Variants in NLGN4Y observed in about 807,000 individuals in gnomAD.
NLGN4Y encodes neuroligin-4, Y-linked.
NLGN4Y carries 4 observed loss-of-function variants against 8.4 expected under a neutral mutation model. The ratio of observed to expected loss-of-function variants is 0.48; its 90% CI spans 0.23 to 1.09. The LOEUF is 1.09. Ranked by LOEUF, NLGN4Y falls within the 50% of genes least tolerant of loss-of-function variation. The pLI is 0.19. For synonymous variants in NLGN4Y, 35 were observed against 75.6 expected, an observed-to-expected ratio of 0.46 and a Z score of 2.78; for missense variants, 90 against 192.3, an observed-to-expected ratio of 0.47 and a Z score of 3.15.
At position 14,795,617 on chromosome Y, in the gene NLGN4Y, G is replaced by C. The variant is rs757238210; in HGVS notation, c.686-28571G>C. Among the ~76,000 whole-genome samples the C allele has an allele frequency of 2.4e-4, 8 of 33,323 alleles. No individual in the cohort carries two copies. In the South Asian group the frequency reaches 4.8e-3, roughly 20 times the overall value. 89.4% of individuals were successfully genotyped at this position (33,323 alleles called of 37,273 possible). ...AAAATTCCTTAATTAATAGGTGGTA[G>C]ACTTGCTATTCAGTCCACCCTGGAC... On this transcript the variant is annotated intron_variant, in intron 4 of 6. Transcript: ENST00000684976.
At chrY:14,833,023 C>T (rs752274374) in intron 6 of NLGN4Y, among the ~76,000 whole-genome samples, 2 of 32,654 alleles carry the variant, frequency 6.1e-5, no homozygotes, top group African/African-American at 1.2e-4. Context: ...GAGATGGGCT[C>T]ACCTAGGGGG....
At chrY:14,744,294 C>T (rs2081017964) in intron 4 of NLGN4Y, among the ~76,000 whole-genome samples, 1 of 33,288 alleles carries the variant, frequency 3.0e-5, no homozygotes, top group African/African-American at 1.2e-4. Flanking sequence ...TCAGTGAACT[C>T]TGAGGGTCTC....
rs2081014019 is a variant in NLGN4Y, at chrY:14,743,493, A to T, written c.685+20224A>T. The stretch of plus-strand genomic sequence containing the variant: ...GGTCACAGAGCAAGATACTGTCTTT[A>T]AAAAAAAAAAAAAAAAGTGAAAAGG... On this transcript the variant is annotated intron_variant, in intron 4 of 6. Transcript: ENST00000684976. 1.7e-4 allele frequency among the ~76,000 whole-genome samples: 4 copies of T among 24,223 alleles called. No homozygotes were observed. In the East Asian group the frequency reaches 3.2e-3, roughly 19 times the overall value. The allele number at this position is 24,223 out of a possible 37,273, so 65.0% of individuals were successfully genotyped here. A position where few individuals can be genotyped will look rare whatever the true frequency, so the allele number is the denominator to read the frequency against.
At chrY:14,590,800 G>A in intron 1 of NLGN4Y, among the ~76,000 whole-genome samples, 2 of 33,140 alleles carry the variant, frequency 6.0e-5, no homozygotes, top group Admixed American at 5.5e-4. Context: ...ATTAGTTAGT[G>A]TAAAAACAAC....
intron 4 of NLGN4Y, among the ~76,000 whole-genome samples, chrY:14,752,806 C>T: frequency 3.0e-5 from 1 of 33,568 alleles, no homozygotes. Flanking sequence ...TTTTGCTATT[C>T]CTTTTTAATT....
chrY:14,704,426 T>G, intron 2 of NLGN4Y, among the ~76,000 whole-genome samples: 1 of 33,295 alleles, frequency 3.0e-5, no homozygotes, highest in Non-Finnish European at 7.4e-5. Context: ...ATCATATGGT[T>G]TTTATTGTTG....
chrY:14,785,798 A>G, intron 4 of NLGN4Y, among the ~76,000 whole-genome samples: 1 of 31,702 alleles, frequency 3.2e-5, no homozygotes, highest in Non-Finnish European at 7.7e-5. Context: ...TCAAAAAATA[A>G]CAGATGCTGG....
chrY:14,796,483 A>C, intron 4 of NLGN4Y, among the ~76,000 whole-genome samples: 1 of 29,064 alleles, frequency 3.4e-5, no homozygotes, highest in African/African-American at 1.4e-4. Flanking sequence ...AGTCCCAGGT[A>C]CGCGGGAGGC....
intron 1 of NLGN4Y, among the ~76,000 whole-genome samples, chrY:14,573,175 C>T (rs1019130172): frequency 3.0e-5 from 1 of 33,493 alleles, no homozygotes; most frequent in Non-Finnish European, 7.4e-5. Flanking sequence ...GCAATGGTAA[C>T]AGGTCCTCCT....
chrY:14,579,670 C>A (rs2080309384), intron 1 of NLGN4Y, among the ~76,000 whole-genome samples: 1 of 32,781 alleles, frequency 3.1e-5, no homozygotes, highest in Non-Finnish European at 7.5e-5. Flanking sequence ...TGTGATTGTA[C>A]CATTGCACTG....
intron 6 of NLGN4Y, 140 bp downstream of exon 6, chrY:14,830,659 A>G: frequency 5.3e-6 from 1 of 188,814 alleles, no homozygotes; most frequent in South Asian, 4.0e-5. Context: ...TTACACACAC[A>G]GCAATAACAG....
At chrY:14,765,512 G>C in intron 4 of NLGN4Y, among the ~76,000 whole-genome samples, 1 of 33,377 alleles carries the variant, frequency 3.0e-5, no homozygotes, top group Non-Finnish European at 7.4e-5. Flanking sequence ...ACAGGTAAAA[G>C]CAGGTATAAG....
At chrY:14,770,404 G>A (rs2081104021) in intron 4 of NLGN4Y, among the ~76,000 whole-genome samples, 1 of 32,936 alleles carries the variant, frequency 3.0e-5, no homozygotes, top group Non-Finnish European at 7.4e-5. Flanking sequence ...TGATACCCAC[G>A]CAAACAGGGA....
chrY:14,755,177 G>A, intron 4 of NLGN4Y, among the ~76,000 whole-genome samples: 4 of 33,324 alleles, frequency 1.2e-4, no homozygotes, highest in Admixed American at 8.3e-4. Context: ...TTATTGAATT[G>A]TGGCAAATTG....
chrY:14,544,914 A>G (rs2150466648), intron 1 of NLGN4Y, among the ~76,000 whole-genome samples: 8 of 30,714 alleles, frequency 2.6e-4, no homozygotes, highest in Admixed American at 2.4e-3. Context: ...ATATCTCCCG[A>G]TGCTATCCCT....
intron 1 of NLGN4Y, among the ~76,000 whole-genome samples, chrY:14,551,297 T>C (rs2080191889): frequency 3.0e-5 from 1 of 33,055 alleles, no homozygotes; most frequent in South Asian, 6.9e-4. Context: ...AGCAAGTTCT[T>C]ACACCTACAA....
intron 4 of NLGN4Y, among the ~76,000 whole-genome samples, chrY:14,818,048 T>C (rs1280788478): frequency 6.2e-5 from 2 of 32,256 alleles, no homozygotes; most frequent in East Asian, 1.7e-3. Context: ...TATCCTATAA[T>C]TGTTTATGAG....
At chrY:14,629,146 G>C in intron 2 of NLGN4Y, among the ~76,000 whole-genome samples, 1 of 33,439 alleles carries the variant, frequency 3.0e-5, no homozygotes, top group Admixed American at 2.8e-4. Flanking sequence ...ACTTTGTGGG[G>C]TAGACAAGCT....
intron 2 of NLGN4Y, chrY:14,639,487 A>G: frequency 1.7e-5 from 3 of 177,016 alleles, no homozygotes; most frequent in Non-Finnish European, 3.2e-5. Context: ...CTGAAGGAGG[A>G]TGTTACTGGA....
Sources: allele counts gnomAD v4.1 joint callset (sites outside exome capture counted in the v4.1 genomes callset), GRCh38; gene constraint gnomAD v4.1.1; transcripts MANE v1.5; gene names NCBI Gene and HGNC (gene_info 2026-07-23, HGNC 2026-07-21).